RIMS1: variants seen among roughly 807,000 people sequenced by gnomAD.
RIMS1 encodes regulating synaptic membrane exocytosis 1.
RIMS1 carries 83 observed loss-of-function variants against 214.1 expected under a neutral mutation model. That is an observed-to-expected ratio of 0.39 (90% CI 0.32 to 0.47). The LOEUF (loss-of-function observed/expected upper bound fraction) is 0.47. RIMS1 is among the 20% of genes least tolerant of loss of function. The probability of loss-of-function intolerance (pLI) is 0.99; values close to 1 mark genes in which losing one functional copy is unlikely to be tolerated. For missense variants in RIMS1, 2,050 were observed against 2,161.8 expected, an observed-to-expected ratio of 0.95 and a Z score of 1.03; for synonymous variants, 793 against 786.8, an observed-to-expected ratio of 1.01 and a Z score of -0.13.
At chr6:72,236,740 G>T (rs1272166368) in intron 8 of RIMS1, among the ~76,000 whole-genome samples, 1 of 150,694 alleles carries the variant, frequency 6.6e-6, no homozygotes. Flanking sequence ...AATTGTCTTG[G>T]GTCACACTTA....
rs1442499709 is a variant in RIMS1 at position 72,148,235 on chromosome 6, G to A, written c.472-31340G>A. ...ATAAAGGAGAAAAAGGAAAAAGAAA[G>A]CATTTATTTTCCAAAGAGTCCCAAT... On this transcript the variant is annotated intron_variant, in intron 4 of 33. Coordinates refer to ENST00000521978, the MANE Select transcript of RIMS1 (RefSeq NM_014989.7). 2.6e-5 allele frequency among the ~76,000 whole-genome samples: 4 copies of A among 152,132 alleles called. No individual in the cohort carries two copies. The East Asian group carries it at 5.8e-4, about 22-fold the overall frequency.
At chr6:71,928,662 CT>C in intron 1 of RIMS1, among the ~76,000 whole-genome samples, 1 of 151,912 alleles carries the variant, frequency 6.6e-6, no homozygotes, top group Admixed American at 6.6e-5. Context: ...TACTTTTTTT[CT>C]TCATCAAGTC....
chr6:72,339,177 G>A lies in RIMS1; in HGVS notation c.4366+5342G>A, dbSNP rs140785269. 1.3e-3 allele frequency among the ~76,000 whole-genome samples: 204 copies of A among 151,928 alleles called. 1 individual carries two copies. Among genetic ancestry groups the A allele is most frequent in the African/African-American group, 4.7e-3 (193 of 41,496 alleles). ...CATTCCAAGAGGCTTTCTTGAAGAGGTAAAGCCTGAGCATAAAAACACAAA... is the reference window on the plus strand; with the variant it reads ...CATTCCAAGAGGCTTTCTTGAAGAGATAAAGCCTGAGCATAAAAACACAAA... On this transcript the variant is annotated intron_variant, in intron 29 of 33. Coordinates refer to ENST00000521978, the MANE Select transcript of RIMS1 (RefSeq NM_014989.7).
chr6:72,110,095 G>A (rs183182278), intron 4 of RIMS1, among the ~76,000 whole-genome samples: 44 of 152,228 alleles, frequency 2.9e-4, no homozygotes, highest in African/African-American at 1.0e-3. Context: ...TGCTGTTTTG[G>A]TTACTGTAGC....
At chr6:72,089,004 G>A (rs1372937354) in intron 2 of RIMS1, among the ~76,000 whole-genome samples, 3 of 151,852 alleles carry the variant, frequency 2.0e-5, no homozygotes, top group Non-Finnish European at 4.4e-5. Context: ...ATGGGAAAGG[G>A]AGATCTTAGA....
At chr6:72,100,097 T>C (rs1586938576) in intron 4 of RIMS1, 111 bp downstream of exon 4, 3 of 837,282 alleles carry the variant, frequency 3.6e-6, no homozygotes, top group East Asian at 2.6e-5. Context: ...AGAAATTATA[T>C]ACTAGGAAGA....
chr6:71,943,601 G>GTGT (rs1786875188), intron 1 of RIMS1, among the ~76,000 whole-genome samples: 1 of 152,146 alleles, frequency 6.6e-6, no homozygotes. Flanking sequence ...ACACATCAAA[G>GTGT]GACCGGCTGT....
chr6:72,199,795 A>G (rs1168841677), intron 6 of RIMS1, among the ~76,000 whole-genome samples: 2 of 152,128 alleles, frequency 1.3e-5, no homozygotes, highest in Non-Finnish European at 2.9e-5. Flanking sequence ...AGTTTTAACA[A>G]TAGGTAATAT....
chr6:72,392,714 G>A lies in RIMS1; in HGVS notation c.4522G>A (p.Val1508Met). 1 of 1,611,622 alleles carries A rather than the reference G, an allele frequency of 6.2e-7. No homozygotes were observed. Among genetic ancestry groups the A allele is most frequent in the Non-Finnish European group, 8.5e-7 (1 of 1,177,854 alleles). Residue 1508 changes from valine to methionine, a missense_variant, in exon 31 of 34, where the codon GTG becomes ATG. Val to Met is a conservative substitution (Grantham distance 21). Transcript: ENST00000521978. ...SSEGNLIFPGVRLGADSQFSD... is the reference protein window; with the variant it reads ...SSEGNLIFPGMRLGADSQFSD... ...TGCTGATAGTTTAATATTTCCTGGA[G>A]TGCGACTGGGAGCTGACAGTCAATT...
intron 1 of RIMS1, among the ~76,000 whole-genome samples, chr6:71,934,545 T>A (rs377622226): frequency 2.0e-3 from 310 of 152,316 alleles, no homozygotes; most frequent in South Asian, 0.01. Context: ...AATTACCATA[T>A]GTTTATCTTT....
intron 2 of RIMS1, among the ~76,000 whole-genome samples, chr6:71,982,554 A>G (rs1287043785): frequency 6.6e-6 from 1 of 152,062 alleles, no homozygotes; most frequent in African/African-American, 2.4e-5. Context: ...TCATCTATTT[A>G]TGACATTTCC....
intron 2 of RIMS1, among the ~76,000 whole-genome samples, chr6:72,001,812 A>G (rs946889044): frequency 6.6e-6 from 1 of 152,174 alleles, no homozygotes; most frequent in Non-Finnish European, 1.5e-5. Flanking sequence ...GTAACCAGGG[A>G]CATCCCTGTG....
At chr6:72,137,894 G>T (rs552338604) in intron 4 of RIMS1, among the ~76,000 whole-genome samples, 1 of 151,738 alleles carries the variant, frequency 6.6e-6, no homozygotes, top group East Asian at 1.9e-4. Context: ...CCACCGCCAC[G>T]CCCGGCTAAT....
intron 2 of RIMS1, among the ~76,000 whole-genome samples, chr6:72,010,910 A>G (rs4707958): frequency 1.3e-5 from 2 of 152,192 alleles, no homozygotes; most frequent in Non-Finnish European, 2.9e-5. Flanking sequence ...TGCCCAAGGT[A>G]ATTTATAGAT....
In RIMS1 at chr6:72,392,821, T is replaced by G. The variant is rs534326696; in HGVS notation, c.4618+11T>G. On this transcript the variant is annotated intron_variant, in intron 31 of 33. Transcript: ENST00000521978. The stretch of plus-strand genomic sequence containing the variant: ...CCACCCCTGCAATGGGTAAGAATCA[T>G]TTTTTTTTTCTACAAGAAAATTGAT... 8 of 835,132 alleles carry G rather than the reference T, an allele frequency of 9.6e-6. No individual in the cohort carries two copies. The East Asian group carries it at 1.9e-4, about 20-fold the overall frequency. The allele number at this position is 835,132 out of a possible 1,614,324, so 51.7% of individuals were successfully genotyped here.
intron 2 of RIMS1, among the ~76,000 whole-genome samples, chr6:72,029,919 G>A (rs991037542): frequency 2.6e-5 from 4 of 152,146 alleles, no homozygotes. Flanking sequence ...GAACATGTGA[G>A]CTAATGGGAA....
At chr6:72,072,434 C>A (rs953644943) in intron 2 of RIMS1, among the ~76,000 whole-genome samples, 2 of 151,996 alleles carry the variant, frequency 1.3e-5, no homozygotes, top group South Asian at 4.2e-4. Flanking sequence ...GTGAAGACCT[C>A]CAGAAGGAAG....
At chr6:71,996,890 AT>A in intron 2 of RIMS1, among the ~76,000 whole-genome samples, 1 of 152,332 alleles carries the variant, frequency 6.6e-6, no homozygotes, top group East Asian at 1.9e-4. Context: ...CAAGTTTCAA[AT>A]TAAAAATGAA....
chr6:72,024,800 G>A (rs1355976035), intron 2 of RIMS1, among the ~76,000 whole-genome samples: 2 of 149,952 alleles, frequency 1.3e-5, no homozygotes, highest in Non-Finnish European at 3.0e-5. Context: ...GTAATAAATT[G>A]AAATTTAGAA....
Sources: allele counts gnomAD v4.1 joint callset (sites outside exome capture counted in the v4.1 genomes callset), GRCh38; gene constraint gnomAD v4.1.1; transcripts MANE v1.5; gene names NCBI Gene and HGNC (gene_info 2026-07-23, HGNC 2026-07-21).